The following PKIB variants were observed in gnomAD, a reference collection of about 807,000 sequenced individuals.
PKIB encodes PKI-beta.
A neutral mutation model predicts 4.5 loss-of-function variants in PKIB; 2 were observed. The observed-to-expected ratio is 0.44, with a 90% CI of 0.18 to 1.39. The LOEUF is 1.39. Ranked by LOEUF, PKIB falls within the 40% of genes most tolerant of loss-of-function variation. The pLI, the probability that PKIB is intolerant of heterozygous loss-of-function variation, is 0.27. For missense variants in PKIB, 94 were observed against 92.6 expected, an observed-to-expected ratio of 1.02 and a Z score of -0.06; for synonymous variants, 38 against 36.0, an observed-to-expected ratio of 1.06 and a Z score of -0.20.
At chr6:122,595,557 A>C (rs1262784895) in intron 3 of PKIB, among the ~76,000 whole-genome samples, 1 of 152,176 alleles carries the variant, frequency 6.6e-6, no homozygotes, top group Non-Finnish European at 1.5e-5. Context: ...GTAAGTGTCT[A>C]TTCCAGTGAG....
chr6:122,711,171 C>T (rs1582836478), intron 3 of PKIB, among the ~76,000 whole-genome samples: 1 of 152,066 alleles, frequency 6.6e-6, no homozygotes, highest in Non-Finnish European at 1.5e-5. Context: ...CAGGGACACA[C>T]ACACCCCACT....
chr6:122,550,505 A>C (rs1772647077), intron 2 of PKIB, among the ~76,000 whole-genome samples: 3 of 152,178 alleles, frequency 2.0e-5, no homozygotes, highest in Admixed American at 6.5e-5. Flanking sequence ...GCTTTTTCAT[A>C]AATGAAAAAG....
At chr6:122,566,526 A>G (rs2114683428) in intron 2 of PKIB, among the ~76,000 whole-genome samples, 1 of 152,218 alleles carries the variant, frequency 6.6e-6, no homozygotes, top group South Asian at 2.1e-4. Flanking sequence ...AAAATACATT[A>G]TTTTTATACT....
At chr6:122,564,204 C>T (rs1237265402) in intron 2 of PKIB, among the ~76,000 whole-genome samples, 1 of 152,152 alleles carries the variant, frequency 6.6e-6, no homozygotes, top group African/African-American at 2.4e-5. Context: ...CTCCAGGGTC[C>T]TGCAGGAGCA....
At chr6:122,651,061 A>G (rs1776533806) in intron 2 of PKIB, among the ~76,000 whole-genome samples, 2 of 152,130 alleles carry the variant, frequency 1.3e-5, no homozygotes, top group Non-Finnish European at 2.9e-5. Context: ...GAATTTTACT[A>G]TGGTGGAAGG....
At chr6:122,631,303 T>G (rs1775691820) in intron 1 of PKIB, among the ~76,000 whole-genome samples, 1 of 152,238 alleles carries the variant, frequency 6.6e-6, no homozygotes, top group Non-Finnish European at 1.5e-5. Flanking sequence ...AATTGAGATT[T>G]GTCACTGTTT....
At chr6:122,512,203 A>G (rs1267359291) in intron 2 of PKIB, among the ~76,000 whole-genome samples, 2 of 152,226 alleles carry the variant, frequency 1.3e-5, no homozygotes, top group African/African-American at 2.4e-5. Flanking sequence ...CACATGTTTA[A>G]AAAATAAGAA....
intron 2 of PKIB, among the ~76,000 whole-genome samples, chr6:122,521,252 T>C (rs1776937565): frequency 6.6e-6 from 1 of 152,148 alleles, no homozygotes; most frequent in Admixed American, 6.5e-5. Flanking sequence ...AAGTTTGGCT[T>C]TGGGAAGTGA....
intron 4 of PKIB, among the ~76,000 whole-genome samples, chr6:122,720,572 G>T (rs564372815): frequency 6.6e-6 from 1 of 151,976 alleles, no homozygotes; most frequent in Non-Finnish European, 1.5e-5. Context: ...AAGAGTTGGA[G>T]GAGTGAAAAT....
chr6:122,651,512 G>A (rs987782035), intron 2 of PKIB, among the ~76,000 whole-genome samples: 1 of 152,166 alleles, frequency 6.6e-6, no homozygotes, highest in Non-Finnish European at 1.5e-5. Context: ...AGACAGGGGT[G>A]AAAAGATTTT....
At chr6:122,629,434 A>G (rs1014006271) in intron 1 of PKIB, among the ~76,000 whole-genome samples, 1 of 97,890 alleles carries the variant, frequency 1.0e-5, no homozygotes, top group Non-Finnish European at 2.8e-5. Context: ...AATTGAATAC[A>G]TAAATAAATG....
At chr6:122,541,874 G>A (rs1192495852) in intron 2 of PKIB, among the ~76,000 whole-genome samples, 1 of 151,846 alleles carries the variant, frequency 6.6e-6, no homozygotes. Context: ...CGGAGGCTTT[G>A]TTCGTTTCTT....
intron 3 of PKIB, among the ~76,000 whole-genome samples, chr6:122,711,876 A>G (rs1273659041): frequency 1.3e-5 from 2 of 152,190 alleles, no homozygotes; most frequent in Non-Finnish European, 2.9e-5. Flanking sequence ...CCATGTGCCT[A>G]CCAATGTATA....
At chr6:122,492,774 A>C (rs1263488055) in intron 2 of PKIB, among the ~76,000 whole-genome samples, 1 of 62,338 alleles carries the variant, frequency 1.6e-5, no homozygotes, top group African/African-American at 4.8e-5. Context: ...TAAGAGAAAG[A>C]GTTTTTTTTT....
chr6:122,514,154 T>G (rs187815411), intron 2 of PKIB, among the ~76,000 whole-genome samples: 66 of 152,308 alleles, frequency 4.3e-4, no homozygotes, highest in Non-Finnish European at 8.5e-4. Flanking sequence ...TGAATTCTCT[T>G]ATTCAGGAAA....
intron 3 of PKIB, among the ~76,000 whole-genome samples, chr6:122,714,830 G>A (rs747150032): frequency 6.6e-6 from 1 of 152,162 alleles, no homozygotes; most frequent in Non-Finnish European, 1.5e-5. Flanking sequence ...CACCCAGGCT[G>A]GAGTGCAGTG....
chr6:122,552,689 G>A (rs926534167), intron 2 of PKIB, among the ~76,000 whole-genome samples: 2 of 152,136 alleles, frequency 1.3e-5, no homozygotes, highest in African/African-American at 4.8e-5. Context: ...ATCTCAGGCA[G>A]TTCTAAAACA....
intron 3 of PKIB, among the ~76,000 whole-genome samples, chr6:122,712,431 C>T (rs1779308436): frequency 6.6e-6 from 1 of 151,994 alleles, no homozygotes. Context: ...ATAAATAATT[C>T]GTAGGCAGAG....
At chr6:122,595,998 T>C (rs966068507) in intron 3 of PKIB, among the ~76,000 whole-genome samples, 10 of 152,188 alleles carry the variant, frequency 6.6e-5, no homozygotes, top group Admixed American at 5.9e-4. Context: ...CTTCTGCAAA[T>C]TTCTTTGTTA....
Sources: allele counts gnomAD v4.1 joint callset (sites outside exome capture counted in the v4.1 genomes callset), GRCh38; gene constraint gnomAD v4.1.1; transcripts MANE v1.5; gene names NCBI Gene and HGNC (gene_info 2026-07-23, HGNC 2026-07-21).